The following HSD17B11 variants were observed in gnomAD, a reference collection of about 807,000 sequenced individuals.
The protein encoded by HSD17B11 is hydroxysteroid 17-beta dehydrogenase 11.
In HSD17B11, 22 loss-of-function variants were observed where a neutral mutation model predicts 27.8. That is an observed-to-expected ratio of 0.79 (90% CI 0.56 to 1.13). HSD17B11 has a LOEUF of 1.13. Among genes scored for constraint, HSD17B11 ranks in the 50% most tolerant of loss-of-function variants. The probability of loss-of-function intolerance (pLI) is 0.00; values close to 1 mark genes in which losing one functional copy is unlikely to be tolerated. For synonymous variants in HSD17B11, 117 were observed against 132.8 expected, an observed-to-expected ratio of 0.88 and a Z score of 0.82; for missense variants, 314 against 351.1, an observed-to-expected ratio of 0.89 and a Z score of 0.84.
chr4:87,387,450 C>T (rs886310952), intron 1 of HSD17B11, among the ~76,000 whole-genome samples: 1 of 152,212 alleles, frequency 6.6e-6, no homozygotes, highest in Non-Finnish European at 1.5e-5. Flanking sequence ...TCAAACACCA[C>T]TCCACTTTCT....
At chr4:87,367,313 G>C (rs1735629307) in intron 4 of HSD17B11, among the ~76,000 whole-genome samples, 1 of 152,108 alleles carries the variant, frequency 6.6e-6, no homozygotes, top group African/African-American at 2.4e-5. Flanking sequence ...CCCTGTACAG[G>C]GTTTCTGACC....
intron 1 of HSD17B11, among the ~76,000 whole-genome samples, chr4:87,388,674 C>T (rs914272852): frequency 2.6e-5 from 4 of 152,216 alleles, no homozygotes; most frequent in African/African-American, 7.2e-5. Context: ...AACAATTATA[C>T]ATTTTATTAT....
At chr4:87,373,861 C>T (rs1410977158) in intron 3 of HSD17B11, among the ~76,000 whole-genome samples, 1 of 152,104 alleles carries the variant, frequency 6.6e-6, no homozygotes, top group African/African-American at 2.4e-5. Context: ...AAACTCACAT[C>T]CAAGAAAACT....
chr4:87,382,390 T>C (rs763409710), intron 1 of HSD17B11, 28 bp from the exon 2 acceptor site: 2 of 1,306,102 alleles, frequency 1.5e-6, no homozygotes, highest in East Asian at 4.6e-5. Flanking sequence ...GAGGGCAAGG[T>C]AATAATTGAT....
At chr4:87,387,425 TA>T (rs1720349763) in intron 1 of HSD17B11, among the ~76,000 whole-genome samples, 1 of 152,188 alleles carries the variant, frequency 6.6e-6, no homozygotes, top group African/African-American at 2.4e-5. Flanking sequence ...CCCTGCCAGC[TA>T]GATCTCATAA....
rs1390615173 is a variant in HSD17B11, at chr4:87,378,865, TAA to T, written c.318+3388_318+3389del. Among the ~76,000 whole-genome samples, 87 of 24,560 alleles carry T rather than the reference TAA, an allele frequency of 3.5e-3. 6 individuals are homozygous for T. Among genetic ancestry groups the T allele is most frequent in the Middle Eastern group, 0.012 (1 of 86 alleles). 16.1% of individuals were successfully genotyped at this position (24,560 alleles called of 152,430 possible). On this transcript the variant is annotated intron_variant, in intron 2 of 6. Coordinates refer to ENST00000358290, the MANE Select transcript of HSD17B11 (RefSeq NM_016245.5). Reference sequence around the variant, plus strand: ...ATATAAATATATATATAAATATATATAAATATATATATATAAATATATATATA... The same window carrying T: ...ATATAAATATATATATAAATATATATATATATATATATAAATATATATATA...
intron 6 of HSD17B11, 180 bp downstream of exon 6, chr4:87,340,310 C>T (rs926890329): frequency 1.6e-5 from 6 of 374,566 alleles, no homozygotes; most frequent in African/African-American, 8.4e-5. Context: ...GGAAATTACT[C>T]GGTTCATTTA....
chr4:87,381,179 T>G (rs1192865268), intron 2 of HSD17B11, among the ~76,000 whole-genome samples: 8 of 87,144 alleles, frequency 9.2e-5, no homozygotes, highest in Non-Finnish European at 8.7e-5. Context: ...AGAGTGAGAC[T>G]CCATTTCAAA....
intron 6 of HSD17B11, among the ~76,000 whole-genome samples, chr4:87,339,750 G>C (rs55974821): frequency 2.0e-5 from 3 of 152,098 alleles, no homozygotes; most frequent in African/African-American, 4.8e-5. Flanking sequence ...GAAAGTTATT[G>C]TATCTCTCAA....
intron 5 of HSD17B11, among the ~76,000 whole-genome samples, chr4:87,354,675 A>G (rs1404630902): frequency 6.6e-6 from 1 of 151,886 alleles, no homozygotes; most frequent in African/African-American, 2.4e-5. Context: ...AAAGGAAAAA[A>G]ATTAGAATCT....
intron 3 of HSD17B11, 133 bp downstream of exon 3, chr4:87,374,566 T>C (rs1177654873): frequency 2.8e-6 from 2 of 718,300 alleles, no homozygotes; most frequent in Non-Finnish European, 4.5e-6. Flanking sequence ...AATGATCTCT[T>C]TGTATAATGT....
At chr4:87,362,834 G>A (rs1735542011) in intron 4 of HSD17B11, among the ~76,000 whole-genome samples, 1 of 152,180 alleles carries the variant, frequency 6.6e-6, no homozygotes, top group Non-Finnish European at 1.5e-5. Flanking sequence ...CAGTGTTGCT[G>A]CAATAGGTGG....
chr4:87,374,715 A>C lies in HSD17B11; in HGVS notation c.434T>G (p.Val145Gly), dbSNP rs1686592200. The change falls in exon 3 of 7, where the codon GTA becomes GGA. Residue 145 changes from valine to glycine, a missense_variant. Physicochemically the swap from Val to Gly is moderately radical, Grantham distance 109 (BLOSUM62 -3). Coordinates refer to ENST00000358290, the MANE Select transcript of HSD17B11 (RefSeq NM_016245.5). ...PQIEKTFEVNVLAHFWTTKAF... is the reference protein window; with the variant it reads ...PQIEKTFEVNGLAHFWTTKAF... ...CATACTCACCCAGAAATGTGCAAGT[A>C]CATTAACTTCAAAAGTCTTTTCAAT... 2 of 1,605,418 alleles carry C rather than the reference A, an allele frequency of 1.2e-6. No individual in the cohort carries two copies. Among genetic ancestry groups the C allele is most frequent in the Admixed American group, 3.5e-5 (2 of 57,214 alleles).
chr4:87,355,765 G>T (rs115693389), intron 5 of HSD17B11, among the ~76,000 whole-genome samples: 2,199 of 152,116 alleles, frequency 0.014, 47 homozygotes, highest in African/African-American at 0.05. Context: ...TTAGTTGGGC[G>T]TGGTCGTGCG....
rs1165281090 is a variant in HSD17B11, at chr4:87,380,641, A to C, written c.318+1614T>G. Among the ~76,000 whole-genome samples the C allele has an allele frequency of 9.4e-5, 14 of 149,170 alleles. No homozygotes were observed. The Admixed American group carries it at 9.4e-4, about 10-fold the overall frequency. On this transcript the variant is annotated intron_variant, in intron 2 of 6. Coordinates refer to ENST00000358290, the MANE Select transcript of HSD17B11 (RefSeq NM_016245.5). ...TTGGAGGCCGAGGGAGCAGATCACG[A>C]GGTCAGGAGATACAGACCATCCTGG...
At chr4:87,354,062 T>TAC (rs2110115815) in intron 5 of HSD17B11, among the ~76,000 whole-genome samples, 1 of 152,318 alleles carries the variant, frequency 6.6e-6, no homozygotes, top group East Asian at 1.9e-4. Context: ...TATACACTCT[T>TAC]ACTTTTGTTT....
rs761613156 is a variant in HSD17B11 at position 87,340,616 on chromosome 4, G to C, written c.696-10C>G. 1.3e-6 allele frequency: 2 copies of C among 1,577,548 alleles called. No homozygotes were observed. Among genetic ancestry groups the C allele is most frequent in the Middle Eastern group, 1.7e-4 (1 of 5,972 alleles). The stretch of plus-strand genomic sequence containing the variant: ...CAGAGTGGGTCCCAAACTGAAATCA[G>C]AGTCAGTCTTCAGAAACAAAATACT... On this transcript the variant is annotated splice_polypyrimidine_tract_variant and intron_variant, in intron 5 of 6. Transcript: ENST00000358290.
At chr4:87,380,269 T>C (rs910912794) in intron 2 of HSD17B11, among the ~76,000 whole-genome samples, 5 of 150,608 alleles carry the variant, frequency 3.3e-5, no homozygotes, top group Admixed American at 2.6e-4. Context: ...GGTCAGGAGA[T>C]CGAGACCATC....
At position 87,337,352 on chromosome 4, in the gene HSD17B11, C is replaced by T. The variant is rs545124516; in HGVS notation, c.827G>A (p.Arg276His). ...LTTLERILPE[R>H]FLAVLKRKIS... ...TTTTCGTTTTAAAACTGCCAGGAAA[C>T]GCTCAGGAAGGATCCTAAAAGAAAG... The change falls in exon 7 of 7, where the codon CGT (arginine) becomes CAT (histidine). Residue 276 changes from arginine to histidine, a missense_variant. Transcript: ENST00000358290. 2.4e-5 allele frequency: 38 copies of T among 1,583,806 alleles called. No homozygotes were observed. The highest frequency in any genetic ancestry group is 4.0e-4 in the Middle Eastern group (2 of 5,050).
Sources: allele counts gnomAD v4.1 joint callset (sites outside exome capture counted in the v4.1 genomes callset), GRCh38; gene constraint gnomAD v4.1.1; transcripts MANE v1.5; gene names NCBI Gene and HGNC (gene_info 2026-07-23, HGNC 2026-07-21).